The following EHHADH variants were observed in gnomAD, a reference collection of about 807,000 sequenced individuals.
The protein encoded by EHHADH is peroxisomal bifunctional enzyme.
Under a neutral mutation model 64.4 loss-of-function variants are expected in EHHADH, and 48 were observed. The observed-to-expected ratio is 0.75, with a 90% CI of 0.59 to 0.95. EHHADH has a LOEUF of 0.95. Ranked by LOEUF, EHHADH falls within the 40% of genes least tolerant of loss-of-function variation. The probability of loss-of-function intolerance (pLI) is 0.00; values close to 1 mark genes in which losing one functional copy is unlikely to be tolerated. For synonymous variants in EHHADH, 308 were observed against 326.7 expected (o/e 0.94, Z 0.62); for missense variants, 854 against 876.6 (o/e 0.97, Z 0.33).
At chr3:185,215,208 G>T (rs1718649689) in intron 5 of EHHADH, among the ~76,000 whole-genome samples, 1 of 151,944 alleles carries the variant, frequency 6.6e-6, no homozygotes, top group African/African-American at 2.4e-5. Context: ...CCAAGAAAAA[G>T]GAAAAACTAT....
intron 6 of EHHADH, among the ~76,000 whole-genome samples, chr3:185,202,951 G>A (rs1415416300): frequency 7.0e-6 from 1 of 143,038 alleles, no homozygotes; most frequent in East Asian, 2.3e-4. Flanking sequence ...ATCTCATAAT[G>A]ATACAGGGTA....
At chr3:185,215,871 C>T (rs1052567851) in intron 5 of EHHADH, among the ~76,000 whole-genome samples, 1 of 152,116 alleles carries the variant, frequency 6.6e-6, no homozygotes, top group Non-Finnish European at 1.5e-5. Flanking sequence ...TTACTCTATA[C>T]ACGATTATAT....
intron 4 of EHHADH, among the ~76,000 whole-genome samples, chr3:185,225,546 A>G (rs1718951512): frequency 1.3e-5 from 2 of 151,974 alleles, no homozygotes; most frequent in Admixed American, 1.3e-4. Flanking sequence ...CAATTAGTAT[A>G]TTTTCAACAG....
intron 2 of EHHADH, among the ~76,000 whole-genome samples, chr3:185,235,874 T>C (rs2301052): frequency 0.8 from 121,235 of 152,074 alleles, 49,075 homozygotes; most frequent in Non-Finnish European, 0.87. Context: ...GTTAATCAAG[T>C]CTATTCACAG....
At chr3:185,252,877 C>T (rs191878831) in intron 1 of EHHADH, among the ~76,000 whole-genome samples, 9 of 152,170 alleles carry the variant, frequency 5.9e-5, no homozygotes, top group African/African-American at 2.2e-4. Flanking sequence ...ATTATAATTT[C>T]CACTAATCTT....
chr3:185,240,505 A>G (rs1263151337), intron 2 of EHHADH, among the ~76,000 whole-genome samples: 1 of 151,370 alleles, frequency 6.6e-6, no homozygotes. Flanking sequence ...GGGAGGTTGT[A>G]TGTTTACAGG....
chr3:185,210,466 T>C (rs1718510826), intron 5 of EHHADH, among the ~76,000 whole-genome samples: 1 of 151,898 alleles, frequency 6.6e-6, no homozygotes, highest in Non-Finnish European at 1.5e-5. Context: ...AAACCCCGTC[T>C]CTACTAAAAA....
intron 4 of EHHADH, among the ~76,000 whole-genome samples, chr3:185,227,886 C>T (rs1577368863): frequency 6.6e-6 from 1 of 151,790 alleles, no homozygotes; most frequent in Admixed American, 6.6e-5. Context: ...GAGTGATCAC[C>T]ATGTGTGGGG....
chr3:185,247,719 T>C (rs1212821523), intron 2 of EHHADH, among the ~76,000 whole-genome samples: 2 of 152,186 alleles, frequency 1.3e-5, no homozygotes, highest in African/African-American at 4.8e-5. Context: ...TACAGTAAGG[T>C]TGAATAGGCC....
chr3:185,245,432 A>G (rs1471080907), intron 2 of EHHADH: 6 of 763,292 alleles, frequency 7.9e-6, no homozygotes, highest in Non-Finnish European at 1.2e-5. Context: ...TATCCACAAC[A>G]CGCTTTGAAA....
intron 2 of EHHADH, among the ~76,000 whole-genome samples, chr3:185,244,379 A>G (rs1719538402): frequency 6.6e-6 from 1 of 152,180 alleles, no homozygotes; most frequent in Non-Finnish European, 1.5e-5. Context: ...TTCCGTCATA[A>G]TATTGTTACC....
intron 6 of EHHADH, among the ~76,000 whole-genome samples, chr3:185,194,678 T>C (rs1323692724): frequency 1.3e-5 from 2 of 151,464 alleles, no homozygotes; most frequent in Admixed American, 1.3e-4. Context: ...TGCATGCCTA[T>C]AGTCACAGCT....
At chr3:185,252,069 G>A (rs1719763329) in intron 1 of EHHADH, among the ~76,000 whole-genome samples, 1 of 152,166 alleles carries the variant, frequency 6.6e-6, no homozygotes, top group Non-Finnish European at 1.5e-5. Flanking sequence ...GGTTGCATGG[G>A]TGGGCAAGGA....
chr3:185,198,622 G>A (rs978164937), intron 6 of EHHADH, among the ~76,000 whole-genome samples: 4 of 151,744 alleles, frequency 2.6e-5, no homozygotes, highest in Admixed American at 6.6e-5. Context: ...GCTGAGGCAG[G>A]TGGATCACTT....
At chr3:185,249,243 C>T (rs767320377) in intron 1 of EHHADH, among the ~76,000 whole-genome samples, 11 of 152,140 alleles carry the variant, frequency 7.2e-5, no homozygotes, top group Non-Finnish European at 1.3e-4. Context: ...ATTCTCCTGA[C>T]TCAGCCTCCT....
chr3:185,231,941 G>A (rs1410368332), intron 3 of EHHADH, among the ~76,000 whole-genome samples: 2 of 151,554 alleles, frequency 1.3e-5, no homozygotes, highest in Non-Finnish European at 2.9e-5. Context: ...TGAATTGTAT[G>A]GTATTTAAAT....
At chr3:185,219,204 C>G (rs1718772063) in intron 4 of EHHADH, among the ~76,000 whole-genome samples, 1 of 152,244 alleles carries the variant, frequency 6.6e-6, no homozygotes, top group African/African-American at 2.4e-5. Context: ...CAGCTCCTCC[C>G]TTAGTTTGTG....
intron 2 of EHHADH, among the ~76,000 whole-genome samples, chr3:185,247,054 T>C (rs1173657948): frequency 6.6e-6 from 1 of 152,192 alleles, no homozygotes; most frequent in Non-Finnish European, 1.5e-5. Flanking sequence ...TTGTTATTGA[T>C]TTCTAGCTTA....
At position 185,192,809 on chromosome 3, in the gene EHHADH, C is replaced by T. The variant is rs746150595; in HGVS notation, c.1589G>A (p.Gly530Asp). 6 of 1,614,012 alleles carry T rather than the reference C, an allele frequency of 3.7e-6. No individual in the cohort carries two copies. In the South Asian group the frequency reaches 6.6e-5, roughly 18 times the overall value. ...RVSDLAGLDV[G>D]WKSRKGQGLT... ...ACCTTGCCCCTTTCTAGATTTCCAGCCCACATCCAACCCAGCAAGATCAGA... is the reference window on the plus strand; with the variant it reads ...ACCTTGCCCCTTTCTAGATTTCCAGTCCACATCCAACCCAGCAAGATCAGA... The change falls in exon 7 of 7, where the codon GGC becomes GAC. Residue 530 changes from glycine to aspartate, a missense_variant. By Grantham distance (94) the Gly-to-Asp change is moderately conservative. Coordinates refer to ENST00000231887, the MANE Select transcript of EHHADH (RefSeq NM_001966.4).
Sources: gnomAD v4.1 joint callset for allele counts (sites outside exome capture counted in the v4.1 genomes callset) on GRCh38, gnomAD v4.1.1 for gene constraint, MANE v1.5 for transcripts, NCBI Gene and HGNC (gene_info 2026-07-23, HGNC 2026-07-21) for gene names.